Variants in PASK observed in about 807,000 individuals in gnomAD.
The protein encoded by PASK is PAS domain containing serine/threonine kinase, also known as PAS domain-containing serine/threonine-protein kinase.
In PASK, 110 loss-of-function variants were observed where a neutral mutation model predicts 121.0. The observed-to-expected ratio is 0.91, with a 90% CI of 0.78 to 1.06. The LOEUF (loss-of-function observed/expected upper bound fraction) is 1.06. Among genes scored for constraint, PASK ranks in the 50% least tolerant of loss-of-function variants. The probability of loss-of-function intolerance (pLI) is 0.00; values close to 1 mark genes in which losing one functional copy is unlikely to be tolerated. For synonymous variants in PASK, 686 were observed against 717.8 expected (o/e 0.96, Z 0.71); for missense variants, 1,643 against 1,702.3 (o/e 0.97, Z 0.61).
At chr2:241,130,303 G>A (rs757488921) in intron 9 of PASK, among the ~76,000 whole-genome samples, 1 of 152,210 alleles carries the variant, frequency 6.6e-6, no homozygotes, top group Non-Finnish European at 1.5e-5. Context: ...CAAACTCTCA[G>A]AACTGTGACA....
chr2:241,107,037 A>C (rs1413061007), intron 17 of PASK, among the ~76,000 whole-genome samples: 1 of 152,166 alleles, frequency 6.6e-6, no homozygotes, highest in East Asian at 1.9e-4. Flanking sequence ...CCTTCGGCCC[A>C]GTCAGACCAT....
intron 9 of PASK, among the ~76,000 whole-genome samples, chr2:241,131,070 G>C (rs1451999221): frequency 6.6e-6 from 1 of 152,160 alleles, no homozygotes; most frequent in Non-Finnish European, 1.5e-5. Context: ...TTGGAGGAGG[G>C]GGATTGGAAG....
At chr2:241,121,912 A>G (rs1483266803) in intron 12 of PASK, among the ~76,000 whole-genome samples, 3 of 152,248 alleles carry the variant, frequency 2.0e-5, no homozygotes, top group African/African-American at 7.2e-5. Flanking sequence ...ACATAATACA[A>G]GCATCAACAA....
At chr2:241,124,170 C>G (rs1398896330) in intron 10 of PASK, 37 bp from the exon 11 acceptor site, 1 of 1,571,758 alleles carries the variant, frequency 6.4e-7, no homozygotes, top group Admixed American at 1.7e-5. Context: ...CAGGCCTGTG[C>G]TGACCTGGCT....
chr2:241,128,593 AAG>A (rs1203358763), intron 9 of PASK, among the ~76,000 whole-genome samples: 1 of 152,148 alleles, frequency 6.6e-6, no homozygotes, highest in Non-Finnish European at 1.5e-5. Context: ...GAGGCTCAGA[AAG>A]AGGACAGGAT....
chr2:241,125,615 A>AGG (rs2065820029), intron 10 of PASK, among the ~76,000 whole-genome samples: 2 of 151,262 alleles, frequency 1.3e-5, no homozygotes, highest in Admixed American at 1.3e-4. Context: ...AAAAGAAAAA[A>AGG]AAAAAAAAAA....
At chr2:241,129,293 G>A (rs780052173) in intron 9 of PASK, among the ~76,000 whole-genome samples, 52 of 152,268 alleles carry the variant, frequency 3.4e-4, no homozygotes, top group African/African-American at 8.2e-4. Context: ...GGGCCTTAGC[G>A]GGCTGCTGCA....
chr2:241,122,473 A>G (rs2065656137), intron 12 of PASK, among the ~76,000 whole-genome samples: 2 of 152,224 alleles, frequency 1.3e-5, no homozygotes, highest in African/African-American at 4.8e-5. Flanking sequence ...TCTCAACACA[A>G]TGGCAGGAGG....
intron 9 of PASK, among the ~76,000 whole-genome samples, chr2:241,132,052 C>CA (rs36063946): frequency 0.073 from 6,058 of 83,260 alleles, 365 homozygotes; most frequent in African/African-American, 0.18. Flanking sequence ...GACTCCATCT[C>CA]AAAAAAAAAA....
intron 4 of PASK, chr2:241,139,473 C>G (rs1376638636): frequency 2.1e-6 from 1 of 474,950 alleles, no homozygotes; most frequent in East Asian, 6.8e-5. Context: ...TAGGGAAATG[C>G]TTCCAGGCCA....
intron 2 of PASK, chr2:241,140,976 G>A: frequency 1.7e-6 from 1 of 586,370 alleles, no homozygotes; most frequent in Non-Finnish European, 3.1e-6. Flanking sequence ...AACAGCATAA[G>A]ATCAACACTT....
chr2:241,125,891 G>C (rs7599243), intron 10 of PASK, among the ~76,000 whole-genome samples: 1 of 151,980 alleles, frequency 6.6e-6, no homozygotes, highest in African/African-American at 2.4e-5. Context: ...CTCCCGACGG[G>C]ATCTCCCCAG....
At chr2:241,150,314 A>T, upstream of PASK, 5 of 1,330,046 alleles carry the variant, frequency 3.8e-6, no homozygotes, top group East Asian at 3.1e-5. Flanking sequence ...GCTCTGGGGG[A>T]GGCGCGGCGC....
In PASK at chr2:241,126,283, C is replaced by G; in HGVS notation, c.2632G>C (p.Val878Leu). 2 of 1,614,194 alleles carry G rather than the reference C, an allele frequency of 1.2e-6. No individual in the cohort carries two copies. The highest frequency in any genetic ancestry group is 2.2e-5 in the South Asian group (2 of 91,086). The change falls in exon 10 of 18, where the codon GTG becomes CTG. Residue 878 changes from valine (V) to leucine (L), a missense_variant. This residue lies in a region of PASK where 1,176 missense variants were observed against 1,162.2 expected (regional missense o/e 1.01). Coordinates refer to ENST00000234040, the MANE Select transcript of PASK (RefSeq NM_015148.4). The part of the protein sequence containing the change: ...NVQVTSTPVI[V>L]MRGAAGLQRE... ...TGCAGGCCAGCAGCCCCGCGCATCACGATCACGGGCGTGGAGGTGACCTGG... is the reference window on the plus strand; with the variant it reads ...TGCAGGCCAGCAGCCCCGCGCATCAGGATCACGGGCGTGGAGGTGACCTGG...
Position 241,112,251 on chromosome 2 carries a change from G to A in PASK, c.3522C>T (p.Leu1174=). 6.2e-7 allele frequency: 1 copy of A among 1,613,342 alleles called. No homozygotes were observed. The highest frequency in any genetic ancestry group is 1.1e-5 in the South Asian group (1 of 91,060). Residue 1174 remains leucine (L), a synonymous_variant, in exon 15 of 18, where the codon CTC becomes CTT. Coordinates refer to ENST00000234040, the MANE Select transcript of PASK (RefSeq NM_015148.4). This position sits in a 1 kb window ranked among gnomAD's most constrained non-coding sequence, Gnocchi z 5.2. Reference sequence around the variant, plus strand: ...AGCCGCATACGTACGGATTCCCCATGAGAACTTCCGGTGCACAGTACTCGA... The same window carrying A: ...AGCCGCATACGTACGGATTCCCCATAAGAACTTCCGGTGCACAGTACTCGA... The part of the protein sequence containing the change: ...GTIEYCAPEV[L]MGNPYRGPEL...
At chr2:241,119,280 G>A (rs1412082073) in intron 12 of PASK, among the ~76,000 whole-genome samples, 2 of 152,150 alleles carry the variant, frequency 1.3e-5, no homozygotes, top group Non-Finnish European at 2.9e-5. Context: ...GAGGGAGGTG[G>A]GGACAGCAGA....
intron 11 of PASK, 99 bp from the exon 12 acceptor site, chr2:241,122,998 G>C (rs931114374): frequency 1.4e-5 from 17 of 1,189,338 alleles, no homozygotes; most frequent in Middle Eastern, 2.6e-4. Flanking sequence ...AGCCGCCCGA[G>C]GCAGGTGTGC....
At chr2:241,118,983 A>G (rs2065487777) in intron 12 of PASK, 2 of 994,988 alleles carry the variant, frequency 2.0e-6, no homozygotes, top group Non-Finnish European at 2.4e-6. Flanking sequence ...CCAGCCTCCA[A>G]GGGCTGTCAG....
chr2:241,122,405 A>G (rs1407013936), intron 12 of PASK, among the ~76,000 whole-genome samples: 1 of 152,220 alleles, frequency 6.6e-6, no homozygotes, highest in Non-Finnish European at 1.5e-5. Flanking sequence ...AGTGGGGAGT[A>G]GGAGAATGGT....
Sources: gnomAD v4.1 joint callset for allele counts (sites outside exome capture counted in the v4.1 genomes callset) on GRCh38, gnomAD v4.1.1 for gene constraint, gnomAD v4.1.1 regional missense constraint, Gnocchi (gnomAD v3.1) non-coding constraint, MANE v1.5 for transcripts, NCBI Gene and HGNC (gene_info 2026-07-23, HGNC 2026-07-21) for gene names.